CADM2: variants seen among roughly 807,000 people sequenced by gnomAD.
CADM2 encodes immunoglobulin superfamily member 4D.
In CADM2, 12 loss-of-function variants were observed where a neutral mutation model predicts 49.8. That is an observed-to-expected ratio of 0.24 (90% CI 0.15 to 0.39). CADM2 has a LOEUF of 0.39. CADM2 is among the 10% of genes least tolerant of loss of function. The probability of loss-of-function intolerance (pLI) is 1.00; values close to 1 mark genes in which losing one functional copy is unlikely to be tolerated. For synonymous variants in CADM2, 214 were observed against 175.4 expected, an observed-to-expected ratio of 1.22 and a Z score of -1.74; for missense variants, 378 against 492.3, an observed-to-expected ratio of 0.77 and a Z score of 2.20.
chr3:85,895,643 A>G (rs950499562), intron 5 of CADM2, among the ~76,000 whole-genome samples: 1 of 152,142 alleles, frequency 6.6e-6, no homozygotes, highest in African/African-American at 2.4e-5. Flanking sequence ...AGCTCCCATA[A>G]TTCTCAGGTG....
chr3:85,972,126 G>A (rs1368906667), intron 8 of CADM2, among the ~76,000 whole-genome samples: 1 of 151,628 alleles, frequency 6.6e-6, no homozygotes, highest in Non-Finnish European at 1.5e-5. Context: ...CTTTGGTGCT[G>A]TTATCCACTT....
chr3:85,859,423 G>A (rs2075441416), intron 3 of CADM2, among the ~76,000 whole-genome samples: 1 of 151,650 alleles, frequency 6.6e-6, no homozygotes, highest in African/African-American at 2.4e-5. Flanking sequence ...ATAGAGACGA[G>A]GTTTCACCAT....
At chr3:85,434,028 TA>T in intron 1 of CADM2, among the ~76,000 whole-genome samples, 1 of 152,104 alleles carries the variant, frequency 6.6e-6, no homozygotes, top group Non-Finnish European at 1.5e-5. Context: ...AATGTTGATT[TA>T]AAACTTACAG....
At chr3:85,318,767 G>C (rs1329999134) in intron 1 of CADM2, among the ~76,000 whole-genome samples, 1 of 152,126 alleles carries the variant, frequency 6.6e-6, no homozygotes. Context: ...TATTGAGTTG[G>C]ATAGACCATT....
chr3:85,893,019 T>C (rs1434586978), intron 5 of CADM2, among the ~76,000 whole-genome samples: 2 of 152,126 alleles, frequency 1.3e-5, no homozygotes, highest in Non-Finnish European at 2.9e-5. Flanking sequence ...GATGAGAAAC[T>C]TGTTGGGAAG....
intron 8 of CADM2, among the ~76,000 whole-genome samples, chr3:85,983,243 A>T (rs1436370053): frequency 2.0e-5 from 3 of 151,698 alleles, no homozygotes; most frequent in Non-Finnish European, 4.4e-5. Flanking sequence ...TTTAAAATGC[A>T]TCCCTATTTG....
At chr3:85,525,630 G>C (rs62252467) in intron 1 of CADM2, among the ~76,000 whole-genome samples, 78,276 of 151,898 alleles carry the variant, frequency 0.52, 23,127 homozygotes, top group East Asian at 0.85. Context: ...ACAATCTTTG[G>C]TTTTTAATCA....
At chr3:85,014,041 A>T (rs2034132175) in intron 1 of CADM2, among the ~76,000 whole-genome samples, 1 of 144,810 alleles carries the variant, frequency 6.9e-6, no homozygotes, top group Non-Finnish European at 1.5e-5. Flanking sequence ...ATAATATTGT[A>T]TATTATATAT....
At chr3:86,035,212 A>G (rs184381477) in intron 8 of CADM2, among the ~76,000 whole-genome samples, 1 of 152,162 alleles carries the variant, frequency 6.6e-6, no homozygotes, top group Non-Finnish European at 1.5e-5. Flanking sequence ...TCTTCCCCAT[A>G]GGTCGTGATC....
In CADM2 at chr3:85,653,241, G is replaced by T. The variant is rs930676862; in HGVS notation, c.62-73281G>T. On this transcript the variant is annotated intron_variant, in intron 1 of 9. Transcript: ENST00000383699. ...ATTACATAAGTTGCTGGCTTTTACTGTGAGCAAGGAGGGGAGCCATAGGAG... is the reference window on the plus strand; with the variant it reads ...ATTACATAAGTTGCTGGCTTTTACTTTGAGCAAGGAGGGGAGCCATAGGAG... 4.0e-5 allele frequency among the ~76,000 whole-genome samples: 6 copies of T among 150,260 alleles called. No homozygotes were observed. The Admixed American group carries it at 4.0e-4, about 10-fold the overall frequency.
intron 3 of CADM2, among the ~76,000 whole-genome samples, chr3:85,849,624 A>C (rs1367264020): frequency 2.0e-5 from 3 of 152,230 alleles, no homozygotes; most frequent in Admixed American, 2.0e-4. Context: ...TGCCTAGCTT[A>C]TCATGAACAC....
At chr3:85,516,141 A>T (rs2060896867) in intron 1 of CADM2, among the ~76,000 whole-genome samples, 1 of 152,152 alleles carries the variant, frequency 6.6e-6, no homozygotes, top group Non-Finnish European at 1.5e-5. Flanking sequence ...TGAGTCTGTG[A>T]TGTGAATAAT....
chr3:85,748,377 C>T (rs550364882), intron 2 of CADM2, among the ~76,000 whole-genome samples: 22 of 151,886 alleles, frequency 1.4e-4, no homozygotes, highest in Non-Finnish European at 2.5e-4. Context: ...CCAAAAGAAA[C>T]GAAGCAGGCG....
intron 1 of CADM2, among the ~76,000 whole-genome samples, chr3:85,592,510 A>G (rs2063134239): frequency 6.6e-6 from 1 of 151,970 alleles, no homozygotes; most frequent in African/African-American, 2.4e-5. Flanking sequence ...ACTTTTGCCC[A>G]CAGGAATCAT....
chr3:85,542,330 T>G (rs574001325), intron 1 of CADM2, among the ~76,000 whole-genome samples: 1 of 152,276 alleles, frequency 6.6e-6, no homozygotes, highest in East Asian at 1.9e-4. Context: ...TACCTAAACA[T>G]TAATGAAATT....
intron 1 of CADM2, among the ~76,000 whole-genome samples, chr3:85,233,428 C>T (rs1398172515): frequency 1.3e-5 from 2 of 152,070 alleles, no homozygotes; most frequent in Non-Finnish European, 2.9e-5. Flanking sequence ...CATCGTAACT[C>T]ATGTGCCACA....
intron 3 of CADM2, among the ~76,000 whole-genome samples, chr3:85,868,451 A>G (rs1347984809): frequency 6.6e-6 from 1 of 152,090 alleles, no homozygotes; most frequent in Non-Finnish European, 1.5e-5. Flanking sequence ...ATTCTTACCT[A>G]TAATTGACAG....
intron 1 of CADM2, among the ~76,000 whole-genome samples, chr3:85,541,773 T>TATATATA (rs1553739263): frequency 4.9e-4 from 3 of 6,176 alleles, no homozygotes; most frequent in Admixed American, 3.0e-3. Context: ...ATATTTTATA[T>TATATATA]TTTATATATA....
chr3:86,046,221 A>T (rs143517528), intron 8 of CADM2, among the ~76,000 whole-genome samples: 2 of 152,284 alleles, frequency 1.3e-5, no homozygotes, highest in East Asian at 3.9e-4. Flanking sequence ...AGCTTCTTAC[A>T]TGCTTCCAGT....
Sources: allele counts gnomAD v4.1 joint callset (sites outside exome capture counted in the v4.1 genomes callset), GRCh38; gene constraint gnomAD v4.1.1; transcripts MANE v1.5; gene names NCBI Gene and HGNC (gene_info 2026-07-23, HGNC 2026-07-21).